The following COLEC11 variants were observed in gnomAD, a reference collection of about 807,000 sequenced individuals.
COLEC11 encodes the protein collectin-11.
COLEC11 carries 20 observed loss-of-function variants against 27.3 expected under a neutral mutation model. The ratio of observed to expected loss-of-function variants is 0.73; its 90% CI spans 0.51 to 1.06. The LOEUF (loss-of-function observed/expected upper bound fraction) is 1.06, where lower values mean the gene tolerates loss of function less well. COLEC11 is among the 50% of genes least tolerant of loss of function. COLEC11 has a pLI of 0.00. For synonymous variants in COLEC11, 163 were observed against 154.7 expected (o/e 1.05, Z -0.40); for missense variants, 310 against 383.0 (o/e 0.81, Z 1.59).
chr2:3,597,452 T>C (rs1253056634), intron 1 of COLEC11, among the ~76,000 whole-genome samples: 1 of 150,840 alleles, frequency 6.6e-6, no homozygotes, highest in Non-Finnish European at 1.5e-5. Context: ...CAGATGAGTG[T>C]GAGTGAAGGC....
At chr2:3,616,254 A>T (rs1242658201) in intron 3 of COLEC11, among the ~76,000 whole-genome samples, 33 of 149,224 alleles carry the variant, frequency 2.2e-4, no homozygotes, top group African/African-American at 8.3e-4. Flanking sequence ...GGCCGGGAAG[A>T]GGCGCTCCTC....
intron 1 of COLEC11, among the ~76,000 whole-genome samples, chr2:3,595,542 T>C (rs1661787040): frequency 6.6e-6 from 1 of 152,138 alleles, no homozygotes; most frequent in African/African-American, 2.4e-5. Flanking sequence ...TGACGATTGT[T>C]CCTGAGCCTG....
At chr2:3,634,234 C>T (rs567940545) in intron 3 of COLEC11, among the ~76,000 whole-genome samples, 6 of 152,180 alleles carry the variant, frequency 3.9e-5, no homozygotes, top group South Asian at 4.1e-4. Context: ...CTCCAGGGTA[C>T]GTCCTGGGGA....
chr2:3,632,352 A>G (rs1161999483), intron 3 of COLEC11, among the ~76,000 whole-genome samples: 1 of 152,162 alleles, frequency 6.6e-6, no homozygotes, highest in Non-Finnish European at 1.5e-5. Flanking sequence ...AATACCACAC[A>G]GCGGGCAGCT....
chr2:3,609,347 CTTTGATTTTTTTTTTTTTTT>C (rs1662999918), intron 2 of COLEC11, among the ~76,000 whole-genome samples: 1 of 71,018 alleles, frequency 1.4e-5, no homozygotes, highest in African/African-American at 4.7e-5. Context: ...AACTATTTTT[CTTTGATTTTTTTTTTTTTTT>C]TTTTTTTTTT....
chr2:3,628,610 G>A (rs544290158), intron 3 of COLEC11, among the ~76,000 whole-genome samples: 1 of 152,376 alleles, frequency 6.6e-6, no homozygotes, highest in African/African-American at 2.4e-5. Context: ...TGTTGGGAAA[G>A]TGAGACCCCC....
chr2:3,600,104 G>A (rs1347278563), intron 1 of COLEC11, among the ~76,000 whole-genome samples: 22 of 152,000 alleles, frequency 1.4e-4, no homozygotes, highest in African/African-American at 4.8e-4. Flanking sequence ...GCGTGGTGGC[G>A]GGCAGCTGTA....
chr2:3,622,303 G>C (rs1452973687), intron 3 of COLEC11, among the ~76,000 whole-genome samples: 1 of 152,172 alleles, frequency 6.6e-6, no homozygotes, highest in African/African-American at 2.4e-5. Context: ...ACTCCAGCCT[G>C]GGTGAGAGAG....
chr2:3,613,162 T>C (rs3811531), intron 2 of COLEC11, 149 bp from the exon 3 acceptor site: 528,748 of 795,326 alleles, frequency 0.66, 180,706 homozygotes, highest in Admixed American at 0.77. Context: ...GCGGCTGGGC[T>C]GCAGGCGGGG....
chr2:3,619,681 A>C (rs1332915664), intron 3 of COLEC11, among the ~76,000 whole-genome samples: 1 of 152,186 alleles, frequency 6.6e-6, no homozygotes, highest in Non-Finnish European at 1.5e-5. Flanking sequence ...GCTGGAGTGC[A>C]ATGGCATGAT....
chr2:3,633,430 G>A (rs567936717), intron 3 of COLEC11, among the ~76,000 whole-genome samples: 90 of 152,308 alleles, frequency 5.9e-4, no homozygotes, highest in African/African-American at 1.9e-3. Flanking sequence ...CAAGGTCATC[G>A]CTCACACTTG....
At chr2:3,642,551 A>G (rs1007036314) in intron 5 of COLEC11, among the ~76,000 whole-genome samples, 1 of 151,986 alleles carries the variant, frequency 6.6e-6, no homozygotes, top group Non-Finnish European at 1.5e-5. Flanking sequence ...GTTTCAATAT[A>G]TGCAAGCAAT....
Position 3,644,418 on chromosome 2 carries a change from A to G in COLEC11, c.*300A>G. On this transcript the variant is annotated 3_prime_UTR_variant, in exon 7 of 7. Transcript: ENST00000349077. ...TAAAGCTTGTGCCTTTGTCCAAGCT[A>G]TACAATAAAATCTTTAAGTAGTGCA... is the stretch of plus-strand genomic sequence containing the variant. 1 of 586,914 alleles carries G rather than the reference A, an allele frequency of 1.7e-6. No homozygotes were observed. Among genetic ancestry groups the G allele is most frequent in the Non-Finnish European group, 3.2e-6 (1 of 313,684 alleles). The allele number at this position is 586,914 out of a possible 1,614,324, so 36.4% of individuals were successfully genotyped here.
At chr2:3,617,227 A>C (rs1663827168) in intron 3 of COLEC11, among the ~76,000 whole-genome samples, 1 of 152,124 alleles carries the variant, frequency 6.6e-6, no homozygotes, top group African/African-American at 2.4e-5. Context: ...AAAAGAAAAA[A>C]ATGGCTCTCT....
chr2:3,636,586 A>G (rs1260297082), intron 3 of COLEC11, among the ~76,000 whole-genome samples: 2 of 152,252 alleles, frequency 1.3e-5, no homozygotes, highest in Non-Finnish European at 2.9e-5. Context: ...GTGTGTAAAC[A>G]TGTCCATGAA....
chr2:3,632,069 G>A (rs1444887074), intron 3 of COLEC11, among the ~76,000 whole-genome samples: 15 of 152,216 alleles, frequency 9.9e-5, no homozygotes, highest in African/African-American at 2.4e-4. Context: ...GTGCGCTCGC[G>A]CTCCTGCTCC....
chr2:3,637,519 A>T lies in COLEC11; in HGVS notation c.203-14A>T. On this transcript the variant is annotated splice_polypyrimidine_tract_variant and intron_variant, in intron 3 of 6. Transcript: ENST00000349077. ...CTGTGCATCGACCAACTTTGCTCTT[A>T]TTGTTTTCTACAGGAGACATGGGGG... is the stretch of plus-strand genomic sequence containing the variant. 1 of 1,613,450 alleles carries T rather than the reference A, an allele frequency of 6.2e-7. No individual in the cohort carries two copies. Among genetic ancestry groups the T allele is most frequent in the Non-Finnish European group, 8.5e-7 (1 of 1,179,426 alleles).
At chr2:3,630,466 T>C (rs1173477974) in intron 3 of COLEC11, among the ~76,000 whole-genome samples, 1 of 152,262 alleles carries the variant, frequency 6.6e-6, no homozygotes, top group Non-Finnish European at 1.5e-5. Context: ...GGGTTCCTCA[T>C]GGTGAAATTC....
At chr2:3,625,355 G>A (rs112080004) in intron 3 of COLEC11, among the ~76,000 whole-genome samples, 4 of 152,144 alleles carry the variant, frequency 2.6e-5, no homozygotes, top group African/African-American at 7.2e-5. Context: ...GCAGGACAGC[G>A]ACTGCTGAGA....
Sources: gnomAD v4.1 joint callset for allele counts (sites outside exome capture counted in the v4.1 genomes callset) on GRCh38, gnomAD v4.1.1 for gene constraint, MANE v1.5 for transcripts, NCBI Gene and HGNC (gene_info 2026-07-23, HGNC 2026-07-21) for gene names.